ABCA12: variants seen among roughly 807,000 people sequenced by gnomAD.
ABCA12 encodes the protein glucosylceramide transporter ABCA12.
A neutral mutation model predicts 293.5 loss-of-function variants in ABCA12; 156 were observed. That is an observed-to-expected ratio of 0.53 (90% CI 0.47 to 0.61). The LOEUF (loss-of-function observed/expected upper bound fraction) is 0.61. ABCA12 is among the 20% of genes least tolerant of loss of function. ABCA12 has a pLI of 0.00. For synonymous variants in ABCA12, 1,063 were observed against 1,108.0 expected, an observed-to-expected ratio of 0.96 and a Z score of 0.81; for missense variants, 2,797 against 3,090.2, an observed-to-expected ratio of 0.91 and a Z score of 2.25.
intron 1 of ABCA12, among the ~76,000 whole-genome samples, chr2:215,121,897 T>C (rs1049634918): frequency 5.9e-5 from 9 of 152,168 alleles, no homozygotes; most frequent in Non-Finnish European, 1.2e-4. Context: ...TCCCCAGCCA[T>C]GTGAAACTGT....
At chr2:215,081,747 C>A (rs1453786350) in intron 2 of ABCA12, among the ~76,000 whole-genome samples, 1 of 151,946 alleles carries the variant, frequency 6.6e-6, no homozygotes, top group African/African-American at 2.4e-5. Context: ...TATACACACA[C>A]AATACATATG....
intron 2 of ABCA12, among the ~76,000 whole-genome samples, 184 bp downstream of exon 2, chr2:215,111,413 A>G (rs1210922463): frequency 1.3e-5 from 2 of 152,256 alleles, no homozygotes; most frequent in African/African-American, 4.8e-5. Context: ...TAAATATTAC[A>G]AACTCAACTT....
At chr2:215,112,498 T>G (rs1211719489) in intron 1 of ABCA12, among the ~76,000 whole-genome samples, 2 of 45,362 alleles carry the variant, frequency 4.4e-5, no homozygotes, top group African/African-American at 7.4e-5. Flanking sequence ...TTTTTTTTTG[T>G]TTTTTTTTGT....
intron 26 of ABCA12, 96 bp from the exon 27 acceptor site, chr2:214,987,889 G>T: frequency 1.3e-6 from 2 of 1,482,082 alleles, no homozygotes; most frequent in Non-Finnish European, 1.8e-6. Flanking sequence ...GGTTTAGGAA[G>T]TAGTTTTATT....
At position 214,932,284 on chromosome 2, in the gene ABCA12, A is replaced by G. The variant is rs931197666; in HGVS notation, c.*350T>C. Reference sequence around the variant, plus strand: ...TCTGACTTTTCTTCTCCACTCTTATATTTCAACTACCAAAATCCATGCCTT... The same window carrying G: ...TCTGACTTTTCTTCTCCACTCTTATGTTTCAACTACCAAAATCCATGCCTT... On this transcript the variant is annotated 3_prime_UTR_variant, in exon 53 of 53. Transcript: ENST00000272895. 8 of 262,362 alleles carry G rather than the reference A, an allele frequency of 3.0e-5. No individual in the cohort carries two copies. Among genetic ancestry groups the G allele is most frequent in the African/African-American group, 1.6e-4 (7 of 43,898 alleles). 16.3% of individuals were successfully genotyped at this position (262,362 alleles called of 1,614,324 possible). A position where few individuals can be genotyped will look rare whatever the true frequency, so the allele number is the denominator to read the frequency against.
At chr2:215,079,992 G>A (rs920662597) in intron 2 of ABCA12, among the ~76,000 whole-genome samples, 4 of 152,196 alleles carry the variant, frequency 2.6e-5, no homozygotes, top group African/African-American at 9.6e-5. Flanking sequence ...GGCATGTATT[G>A]TCTTTAATTC....
intron 27 of ABCA12, among the ~76,000 whole-genome samples, chr2:214,987,193 A>T (rs1171978787): frequency 6.6e-6 from 1 of 152,214 alleles, no homozygotes; most frequent in South Asian, 2.1e-4. Flanking sequence ...AGGACCGCTT[A>T]GTGGCCCGTA....
chr2:215,093,922 T>G (rs1161704199), intron 2 of ABCA12, among the ~76,000 whole-genome samples: 1 of 152,192 alleles, frequency 6.6e-6, no homozygotes, highest in East Asian at 1.9e-4. Context: ...TTCCTGTTCC[T>G]CACCCTGATC....
chr2:215,018,195 T>C (rs1328742763), intron 13 of ABCA12, 63 bp from the exon 14 acceptor site: 2 of 1,571,888 alleles, frequency 1.3e-6, no homozygotes, highest in East Asian at 4.5e-5. Flanking sequence ...CTTTTTAGTA[T>C]GACTAACATA....
chr2:215,118,068 C>T (rs919139907), intron 1 of ABCA12, among the ~76,000 whole-genome samples: 7 of 152,160 alleles, frequency 4.6e-5, no homozygotes, highest in East Asian at 1.9e-4. Flanking sequence ...TGAGTCTGTG[C>T]CTTTATACTA....
At chr2:215,064,373 T>C (rs1448607951) in intron 2 of ABCA12, among the ~76,000 whole-genome samples, 154 bp from the exon 3 acceptor site, 2 of 151,992 alleles carry the variant, frequency 1.3e-5, no homozygotes, top group African/African-American at 4.8e-5. Context: ...CACTCACCAC[T>C]GAGTAGGAGC....
rs1212734561 is a variant in ABCA12, at chr2:214,978,927, A to G, written c.4854T>C (p.Tyr1618=). The part of the protein sequence containing the change: ...LKEDIGGELV[Y]VLPPFSTKVS... ...CTTTGGTGCTGAATGGAGGAAGTAC[A>G]TAAACAAGCTCTCCCCCAATATCCT... The change falls in exon 32 of 53, where the codon TAT becomes TAC. Residue 1618 remains tyrosine, a synonymous_variant. Coordinates refer to ENST00000272895, the MANE Select transcript of ABCA12 (RefSeq NM_173076.3). 1 of 1,614,020 alleles carries G rather than the reference A, an allele frequency of 6.2e-7. No individual in the cohort carries two copies. Among genetic ancestry groups the G allele is most frequent in the Admixed American group, 1.7e-5 (1 of 59,992 alleles).
intron 7 of ABCA12, 47 bp downstream of exon 7, chr2:215,045,790 C>T (rs767796920): frequency 1.3e-6 from 2 of 1,557,836 alleles, no homozygotes; most frequent in African/African-American, 1.4e-5. Flanking sequence ...TTTTTAAACA[C>T]TTCTTTGTGA....
intron 2 of ABCA12, among the ~76,000 whole-genome samples, chr2:215,072,865 G>C (rs1398399411): frequency 1.3e-5 from 2 of 152,198 alleles, no homozygotes; most frequent in African/African-American, 4.8e-5. Context: ...GGGAGACCAA[G>C]GTGGGCGGAT....
intron 23 of ABCA12, among the ~76,000 whole-genome samples, chr2:214,995,923 C>G (rs1700023139): frequency 1.3e-5 from 2 of 152,018 alleles, no homozygotes; most frequent in Non-Finnish European, 2.9e-5. Flanking sequence ...GAGCTACATT[C>G]TGGAAATAAA....
chr2:214,972,279 C>G (rs1346310242), intron 36 of ABCA12, among the ~76,000 whole-genome samples: 7 of 151,880 alleles, frequency 4.6e-5, no homozygotes, highest in Non-Finnish European at 1.0e-4. Flanking sequence ...TATTGTATGT[C>G]TGGTATACAG....
intron 8 of ABCA12, among the ~76,000 whole-genome samples, chr2:215,033,288 T>C (rs531110588): frequency 1.3e-5 from 2 of 152,248 alleles, no homozygotes; most frequent in Non-Finnish European, 2.9e-5. Context: ...TGTTGAGATT[T>C]ATGCCTTTGC....
chr2:215,008,508 G>C (rs948516439), intron 18 of ABCA12, among the ~76,000 whole-genome samples: 1 of 151,920 alleles, frequency 6.6e-6, no homozygotes, highest in African/African-American at 2.4e-5. Context: ...TAAAAAGAAT[G>C]AATTAAATTA....
Position 215,030,886 on chromosome 2 carries a change from G to GT in ABCA12, c.1061+934dup, listed in dbSNP as rs566546594. On this transcript the variant is annotated intron_variant, in intron 9 of 52. Coordinates refer to ENST00000272895, the MANE Select transcript of ABCA12 (RefSeq NM_173076.3). The stretch of plus-strand genomic sequence containing the variant: ...TGGTTAAACCTAAGTAATCCTGTTT[G>GT]TTTTTTTATTTGTATAGATTTCCGT... 2.4e-4 allele frequency among the ~76,000 whole-genome samples: 37 copies of GT among 152,208 alleles called. No homozygotes were observed. The East Asian group carries it at 5.4e-3, about 22-fold the overall frequency.
Sources: allele counts gnomAD v4.1 joint callset (sites outside exome capture counted in the v4.1 genomes callset), GRCh38; gene constraint gnomAD v4.1.1; transcripts MANE v1.5; gene names NCBI Gene and HGNC (gene_info 2026-07-23, HGNC 2026-07-21).